The following GUCA1C variants were observed in gnomAD, a reference collection of about 807,000 sequenced individuals.
The protein encoded by GUCA1C is guanylate cyclase activator 1C, also known as guanylyl cyclase-activating protein 3.
Under a neutral mutation model 16.2 loss-of-function variants are expected in GUCA1C, and 15 were observed. That is an observed-to-expected ratio of 0.93 (90% CI 0.62 to 1.43). GUCA1C has a LOEUF of 1.43. GUCA1C is among the 40% of genes most tolerant of loss of function. The probability of loss-of-function intolerance (pLI) is 0.00; values close to 1 mark genes in which losing one functional copy is unlikely to be tolerated. For synonymous variants in GUCA1C, 78 were observed against 85.4 expected, an observed-to-expected ratio of 0.91 and a Z score of 0.48; for missense variants, 275 against 244.8, an observed-to-expected ratio of 1.12 and a Z score of -0.82.
intron 1 of GUCA1C, among the ~76,000 whole-genome samples, chr3:108,945,046 A>G (rs1946830461): frequency 1.3e-5 from 2 of 152,212 alleles, no homozygotes; most frequent in Non-Finnish European, 1.5e-5. Flanking sequence ...AGTACAGCAG[A>G]AGGAAGTTCC....
intron 1 of GUCA1C, among the ~76,000 whole-genome samples, chr3:108,930,447 A>T (rs181175396): frequency 2.0e-5 from 3 of 152,360 alleles, no homozygotes; most frequent in African/African-American, 7.2e-5. Flanking sequence ...TTGGCTTTTT[A>T]AAAGTTTTTA....
At chr3:108,942,814 T>C (rs904588492) in intron 1 of GUCA1C, among the ~76,000 whole-genome samples, 3 of 152,242 alleles carry the variant, frequency 2.0e-5, no homozygotes, top group African/African-American at 7.2e-5. Flanking sequence ...CAGAGACTAA[T>C]TATTATCCAT....
Position 108,907,924 on chromosome 3 carries a change from C to T in GUCA1C, c.*98G>A, listed in dbSNP as rs1251736207. On this transcript the variant is annotated 3_prime_UTR_variant, in exon 4 of 4. Transcript: ENST00000261047. ...ATTCACAAGCCTATATGAATTATAA[C>T]AAAGACCTGAAATCAACAGCATGTA... is the stretch of plus-strand genomic sequence containing the variant. 1.4e-5 allele frequency: 12 copies of T among 839,206 alleles called. No individual in the cohort carries two copies. The highest frequency in any genetic ancestry group is 2.8e-5 in the Admixed American group (1 of 36,150). The allele number at this position is 839,206 out of a possible 1,614,324, so 52.0% of individuals were successfully genotyped here.
At chr3:108,911,008 G>C (rs1011378728) in intron 3 of GUCA1C, among the ~76,000 whole-genome samples, 7 of 152,240 alleles carry the variant, frequency 4.6e-5, no homozygotes, top group Admixed American at 2.6e-4. Context: ...ATTTTTATAA[G>C]TTGAAATATA....
chr3:108,945,686 A>G (rs974929426), intron 1 of GUCA1C, among the ~76,000 whole-genome samples: 24 of 152,320 alleles, frequency 1.6e-4, no homozygotes, highest in African/African-American at 5.3e-4. Context: ...GCATGTACGT[A>G]GAACATGTAC....
rs143121523 is a variant in GUCA1C, at chr3:108,953,185, T to A, written c.204+374A>T. On this transcript the variant is annotated intron_variant, in intron 1 of 3. Coordinates refer to ENST00000261047, the MANE Select transcript of GUCA1C (RefSeq NM_005459.4). ...ACTTTTAAAAGCAGAGTCCTGTAATTTGCTTTTCTATAAAATGTCACCAAT... is the reference window on the plus strand; with the variant it reads ...ACTTTTAAAAGCAGAGTCCTGTAATATGCTTTTCTATAAAATGTCACCAAT... Among the ~76,000 whole-genome samples, 568 of 152,330 alleles carry A rather than the reference T, an allele frequency of 3.7e-3. 2 individuals carry two copies. Among genetic ancestry groups the A allele is most frequent in the African/African-American group, 0.011 (454 of 41,580 alleles).
chr3:108,915,980 G>T, intron 3 of GUCA1C, 147 bp downstream of exon 3: 1 of 793,682 alleles, frequency 1.3e-6, no homozygotes, highest in South Asian at 1.9e-5. Flanking sequence ...GAATCATACT[G>T]AGAACATTGG....
chr3:108,939,450 C>T (rs1357562961), intron 1 of GUCA1C, among the ~76,000 whole-genome samples: 1 of 149,528 alleles, frequency 6.7e-6, no homozygotes, highest in Non-Finnish European at 1.5e-5. Flanking sequence ...CCTCAGCCAC[C>T]CGAGTCGCTG....
upstream of GUCA1C, among the ~76,000 whole-genome samples, chr3:108,954,767 C>T (rs1393743220): frequency 2.1e-5 from 3 of 145,200 alleles, no homozygotes; most frequent in Non-Finnish European, 4.5e-5. Flanking sequence ...GATGGAGTCT[C>T]GCTCTGTCCC....
At chr3:108,944,640 C>G (rs1026416620) in intron 1 of GUCA1C, among the ~76,000 whole-genome samples, 4 of 152,208 alleles carry the variant, frequency 2.6e-5, no homozygotes, top group Admixed American at 2.6e-4. Context: ...CCTAATGCAA[C>G]CCCGTGTCTC....
intron 3 of GUCA1C, among the ~76,000 whole-genome samples, chr3:108,912,374 A>G (rs1182159320): frequency 3.3e-5 from 5 of 151,634 alleles, no homozygotes; most frequent in African/African-American, 4.8e-5. Context: ...ACACTGAATC[A>G]TTTTTCCTGA....
At chr3:108,922,974 A>G (rs2399258) in intron 1 of GUCA1C, among the ~76,000 whole-genome samples, 69,248 of 151,890 alleles carry the variant, frequency 0.46, 16,211 homozygotes, top group African/African-American at 0.54. Flanking sequence ...GTCCCTGCAA[A>G]GGACATGAAC....
At chr3:108,919,266 T>C (rs897643923) in intron 2 of GUCA1C, among the ~76,000 whole-genome samples, 1 of 152,174 alleles carries the variant, frequency 6.6e-6, no homozygotes, top group African/African-American at 2.4e-5. Context: ...AAGGGCTTAA[T>C]GCATTAAGCA....
rs200063308 is a variant in GUCA1C, at chr3:108,950,149, GTCTT to G, written c.204+3406_204+3409del. Among the ~76,000 whole-genome samples the G allele has an allele frequency of 4.8e-3, 724 of 152,234 alleles. 6 individuals carry two copies. The highest frequency in any genetic ancestry group is 0.017 in the African/African-American group (702 of 41,556). ...CAGTGAGGTTGATTATGCATTACTT[GTCTT>G]TCTGTGTCTGGCTTATTTCACCAAG... On this transcript the variant is annotated intron_variant, in intron 1 of 3. Coordinates refer to ENST00000261047, the MANE Select transcript of GUCA1C (RefSeq NM_005459.4).
At chr3:108,923,935 A>G (rs1946594684) in intron 1 of GUCA1C, among the ~76,000 whole-genome samples, 1 of 152,134 alleles carries the variant, frequency 6.6e-6, no homozygotes, top group African/African-American at 2.4e-5. Flanking sequence ...TGAGTTCTTA[A>G]CTTGATTCTC....
rs112098734 is a variant in GUCA1C at position 108,937,459 on chromosome 3, G to A, written c.204+16100C>T. The stretch of plus-strand genomic sequence containing the variant: ...GCTTTGGGGTTTTGTCCCAATAATA[G>A]AGCTATGAATTTATAAATTGAGTAA... On this transcript the variant is annotated intron_variant, in intron 1 of 3. Transcript: ENST00000261047. Among the ~76,000 whole-genome samples the A allele has an allele frequency of 1.1e-3, 160 of 152,130 alleles. 3 individuals carry two copies. Among genetic ancestry groups the A allele is most frequent in the Middle Eastern group, 6.4e-3 (2 of 314 alleles).
intron 1 of GUCA1C, among the ~76,000 whole-genome samples, chr3:108,945,815 T>C (rs1946839038): frequency 6.6e-6 from 1 of 152,224 alleles, no homozygotes; most frequent in Non-Finnish European, 1.5e-5. Flanking sequence ...ATTTATTAAT[T>C]TTAGACATTG....
intron 1 of GUCA1C, among the ~76,000 whole-genome samples, chr3:108,926,334 T>A (rs1040339822): frequency 3.3e-5 from 5 of 152,202 alleles, no homozygotes; most frequent in Non-Finnish European, 7.3e-5. Flanking sequence ...GTTAGGTGAG[T>A]CTCTTGAAGG....
At chr3:108,911,693 T>C (rs1224727465) in intron 3 of GUCA1C, among the ~76,000 whole-genome samples, 3 of 152,248 alleles carry the variant, frequency 2.0e-5, no homozygotes, top group Non-Finnish European at 4.4e-5. Context: ...TGATTCAATG[T>C]GACCCTCGTG....
Sources: allele counts gnomAD v4.1 joint callset (sites outside exome capture counted in the v4.1 genomes callset), GRCh38; gene constraint gnomAD v4.1.1; transcripts MANE v1.5; gene names NCBI Gene and HGNC (gene_info 2026-07-23, HGNC 2026-07-21).